The following NAALADL2 variants were observed in gnomAD, a reference collection of about 807,000 sequenced individuals.
The protein encoded by NAALADL2 is inactive N-acetylated-alpha-linked acidic dipeptidase-like protein 2.
NAALADL2 carries 76 observed loss-of-function variants against 87.2 expected under a neutral mutation model. The ratio of observed to expected loss-of-function variants is 0.87; its 90% CI spans 0.72 to 1.05. NAALADL2 has a LOEUF of 1.05. NAALADL2 is among the 50% of genes least tolerant of loss of function. NAALADL2 has a pLI of 0.00. For synonymous variants in NAALADL2, 354 were observed against 331.0 expected, an observed-to-expected ratio of 1.07 and a Z score of -0.75; for missense variants, 1,089 against 945.8, an observed-to-expected ratio of 1.15 and a Z score of -1.99.
intron 5 of NAALADL2, among the ~76,000 whole-genome samples, chr3:175,435,780 C>G (rs185147567): frequency 6.6e-6 from 1 of 151,344 alleles, no homozygotes; most frequent in Non-Finnish European, 1.5e-5. Context: ...ACTGATGATC[C>G]GTACCTATGG....
chr3:174,853,645 A>G (rs1423803555), intron 3 of NAALADL2, among the ~76,000 whole-genome samples: 1 of 152,178 alleles, frequency 6.6e-6, no homozygotes, highest in East Asian at 1.9e-4. Flanking sequence ...TCTGATGATT[A>G]ATAATCAAAA....
chr3:174,622,906 G>A (rs1289193677), intron 2 of NAALADL2, among the ~76,000 whole-genome samples: 2 of 152,202 alleles, frequency 1.3e-5, no homozygotes, highest in South Asian at 2.1e-4. Flanking sequence ...AGCCAGGCGT[G>A]GTGGCAGGCA....
chr3:175,094,651 A>G (rs1429600345), intron 1 of NAALADL2, among the ~76,000 whole-genome samples: 1 of 151,864 alleles, frequency 6.6e-6, no homozygotes, highest in Non-Finnish European at 1.5e-5. Context: ...GGAGGGAAAA[A>G]GAAAAGCAAT....
intron 2 of NAALADL2, among the ~76,000 whole-genome samples, chr3:175,232,069 A>C (rs1474176494): frequency 6.6e-6 from 1 of 151,990 alleles, no homozygotes; most frequent in Non-Finnish European, 1.5e-5. Flanking sequence ...TTTAGGTGGC[A>C]CTGTTGACTG....
At chr3:174,830,243 G>T (rs1242249971) in intron 3 of NAALADL2, among the ~76,000 whole-genome samples, 1 of 146,294 alleles carries the variant, frequency 6.8e-6, no homozygotes, top group African/African-American at 2.5e-5. Flanking sequence ...GGTTTTTATG[G>T]TTTTAGGTCT....
intron 4 of NAALADL2, among the ~76,000 whole-genome samples, chr3:175,308,098 A>G (rs73047235): frequency 6.6e-6 from 1 of 152,202 alleles, no homozygotes; most frequent in Non-Finnish European, 1.5e-5. Context: ...AGATGTATTC[A>G]TGTGGGATAG....
At chr3:175,133,707 C>A (rs777495014) in intron 2 of NAALADL2, among the ~76,000 whole-genome samples, 3 of 151,872 alleles carry the variant, frequency 2.0e-5, no homozygotes, top group Non-Finnish European at 4.4e-5. Context: ...CAGAGGGAGA[C>A]CGTGGAAAGA....
intron 13 of NAALADL2, among the ~76,000 whole-genome samples, chr3:175,787,116 GCTGTGAGACAGGGACAT>G (rs1752103961): frequency 6.6e-6 from 1 of 152,146 alleles, no homozygotes; most frequent in Admixed American, 6.5e-5. Context: ...TCTCTTCAAA[GCTGTGAGACAGGGACAT>G]TTAAGTCTGC....
At chr3:174,773,827 T>C (rs1714876493) in intron 3 of NAALADL2, among the ~76,000 whole-genome samples, 1 of 152,076 alleles carries the variant, frequency 6.6e-6, no homozygotes. Flanking sequence ...ACAATGATTG[T>C]CCCTTTATTT....
At chr3:175,284,656 A>G (rs1487430006) in intron 4 of NAALADL2, among the ~76,000 whole-genome samples, 3 of 152,174 alleles carry the variant, frequency 2.0e-5, no homozygotes, top group Non-Finnish European at 2.9e-5. Flanking sequence ...TCCATCTTAC[A>G]GAATTAATAG....
chr3:175,039,871 C>G (rs1480894060), intron 1 of NAALADL2, among the ~76,000 whole-genome samples: 1 of 152,002 alleles, frequency 6.6e-6, no homozygotes, highest in African/African-American at 2.4e-5. Context: ...CATGTATTCA[C>G]ACATTCTTTC....
At chr3:175,685,449 GGTGT>G (rs59449046) in intron 11 of NAALADL2, among the ~76,000 whole-genome samples, 14,967 of 144,552 alleles carry the variant, frequency 0.1, 868 homozygotes, top group African/African-American at 0.15. Context: ...ACCAACAGGA[GGTGT>G]GTGTGTGTGT....
chr3:175,214,038 A>G (rs937548140), intron 2 of NAALADL2, among the ~76,000 whole-genome samples: 2 of 152,182 alleles, frequency 1.3e-5, no homozygotes, highest in Middle Eastern at 3.2e-3. Flanking sequence ...TTAGAATACC[A>G]TTATTGTATT....
At chr3:175,295,714 CACAA>C (rs1337026426) in intron 4 of NAALADL2, among the ~76,000 whole-genome samples, 59 of 138,018 alleles carry the variant, frequency 4.3e-4, no homozygotes, top group South Asian at 1.4e-3. Context: ...TACACATGCA[CACAA>C]ACACACACAC....
intron 2 of NAALADL2, among the ~76,000 whole-genome samples, chr3:174,624,206 T>A (rs1288828565): frequency 6.6e-6 from 1 of 151,988 alleles, no homozygotes; most frequent in Non-Finnish European, 1.5e-5. Context: ...GGTAGAAAAG[T>A]AAGAAAAACT....
chr3:174,465,857 A>G (rs577102170), intron 1 of NAALADL2, among the ~76,000 whole-genome samples: 1 of 151,980 alleles, frequency 6.6e-6, no homozygotes, highest in South Asian at 2.1e-4. Flanking sequence ...TTTTCTTAAT[A>G]CCTCCATTAG....
chr3:175,014,132 A>T (rs1218782971), intron 1 of NAALADL2, among the ~76,000 whole-genome samples: 1 of 152,010 alleles, frequency 6.6e-6, no homozygotes, highest in Non-Finnish European at 1.5e-5. Context: ...GCGGGTGTCC[A>T]TATTATCTTT....
chr3:175,132,165 G>T, intron 2 of NAALADL2, among the ~76,000 whole-genome samples: 1 of 118,600 alleles, frequency 8.4e-6, no homozygotes, highest in Non-Finnish European at 1.7e-5. Flanking sequence ...CCCGGACGGG[G>T]CAGCTGGCTG....
intron 4 of NAALADL2, among the ~76,000 whole-genome samples, chr3:175,323,940 C>T (rs2110430960): frequency 1.3e-5 from 2 of 149,808 alleles, no homozygotes; most frequent in East Asian, 2.0e-4. Flanking sequence ...ATGGCGTGAA[C>T]CCGGGAGGTG....
Sources: allele counts gnomAD v4.1 joint callset (sites outside exome capture counted in the v4.1 genomes callset), GRCh38; gene constraint gnomAD v4.1.1; transcripts MANE v1.5; gene names NCBI Gene and HGNC (gene_info 2026-07-23, HGNC 2026-07-21).